The following KIF6 variants were observed in gnomAD, a reference collection of about 807,000 sequenced individuals.
KIF6 encodes kinesin-like protein KIF6.
A neutral mutation model predicts 112.7 loss-of-function variants in KIF6; 106 were observed. The ratio of observed to expected loss-of-function variants is 0.94; its 90% CI spans 0.80 to 1.11. The LOEUF (loss-of-function observed/expected upper bound fraction) is 1.11. Among genes scored for constraint, KIF6 ranks in the 50% least tolerant of loss-of-function variants. The pLI is 0.00. For missense variants in KIF6, 929 were observed against 964.0 expected (o/e 0.96, Z 0.48); for synonymous variants, 339 against 339.9 (o/e 1.00, Z 0.03).
chr6:39,725,104 G>C (rs1051695337), intron 1 of KIF6, 141 bp downstream of exon 1: 1 of 596,846 alleles, frequency 1.7e-6, no homozygotes, highest in Non-Finnish European at 2.8e-6. Context: ...AGGGCTCCTC[G>C]GTCAGTGTGT....
intron 13 of KIF6, among the ~76,000 whole-genome samples, chr6:39,443,701 C>G (rs923215720): frequency 2.0e-5 from 3 of 152,236 alleles, no homozygotes; most frequent in African/African-American, 7.2e-5. Context: ...ACCGTGACCT[C>G]CCAAAGCACT....
At chr6:39,376,607 G>A (rs754599201) in intron 16 of KIF6, among the ~76,000 whole-genome samples, 18 of 152,232 alleles carry the variant, frequency 1.2e-4, no homozygotes, top group Non-Finnish European at 1.9e-4. Flanking sequence ...CCTACTGCGT[G>A]ACAGTCACTG....
At chr6:39,510,872 C>CGAAAAAA (rs1776741593) in intron 13 of KIF6, among the ~76,000 whole-genome samples, 1 of 23,858 alleles carries the variant, frequency 4.2e-5, no homozygotes, top group African/African-American at 1.6e-4. Context: ...AAATGGGAAG[C>CGAAAAAA]AAAAAAAAAA....
intron 5 of KIF6, chr6:39,617,795 T>A: frequency 2.2e-6 from 1 of 453,126 alleles, no homozygotes; most frequent in Non-Finnish European, 4.4e-6. Flanking sequence ...CAAGAGCAGG[T>A]GGGCCTCATG....
Position 39,673,091 on chromosome 6 carries a change from G to A in KIF6, c.252-33334C>T, listed in dbSNP as rs575326869. Among the ~76,000 whole-genome samples the A allele has an allele frequency of 3.3e-5, 5 of 152,276 alleles. No individual in the cohort carries two copies. The East Asian group carries it at 7.7e-4, about 24-fold the overall frequency. On this transcript the variant is annotated intron_variant, in intron 3 of 22. Coordinates refer to ENST00000287152, the MANE Select transcript of KIF6 (RefSeq NM_145027.6). ...TTGCTATCACTGGCTGTCAGCCGCT[G>A]CTGCCTCAAAAGCCAAATGCTGGTG... is the stretch of plus-strand genomic sequence containing the variant.
At chr6:39,576,385 A>G (rs933599402) in intron 10 of KIF6, among the ~76,000 whole-genome samples, 1 of 152,094 alleles carries the variant, frequency 6.6e-6, no homozygotes, top group African/African-American at 2.4e-5. Flanking sequence ...CAGCCTCCCA[A>G]AGTGCTGGGA....
intron 7 of KIF6, among the ~76,000 whole-genome samples, chr6:39,593,359 T>C (rs144993474): frequency 5.4e-4 from 83 of 152,344 alleles, no homozygotes; most frequent in Non-Finnish European, 1.0e-3. Flanking sequence ...CTTATTCCTA[T>C]GTACCGTTTG....
At chr6:39,395,589 C>T (rs1019252900) in intron 15 of KIF6, among the ~76,000 whole-genome samples, 6 of 152,156 alleles carry the variant, frequency 3.9e-5, no homozygotes, top group Admixed American at 1.3e-4. Flanking sequence ...GATGTGGTTC[C>T]GGTTGCCAGA....
rs537456091 is a variant in KIF6 at position 39,713,959 on chromosome 6, T to C, written c.251+733A>G. ...GCAGGTATAATTTTCATTATTTAACTGTAAAGATGAATGTGTCTTGGGATT... is the reference window on the plus strand; with the variant it reads ...GCAGGTATAATTTTCATTATTTAACCGTAAAGATGAATGTGTCTTGGGATT... On this transcript the variant is annotated intron_variant, in intron 3 of 22. Transcript: ENST00000287152. Among the ~76,000 whole-genome samples the C allele has an allele frequency of 4.6e-5, 7 of 152,308 alleles. No homozygotes were observed. The South Asian group carries it at 1.5e-3, about 32-fold the overall frequency.
intron 13 of KIF6, among the ~76,000 whole-genome samples, chr6:39,492,329 A>T (rs964306539): frequency 3.3e-5 from 5 of 152,376 alleles, no homozygotes; most frequent in Middle Eastern, 3.4e-3. Flanking sequence ...ATATGCAGGA[A>T]GCCCATACAT....
At chr6:39,591,417 C>T (rs1020200285) in intron 7 of KIF6, among the ~76,000 whole-genome samples, 1 of 152,056 alleles carries the variant, frequency 6.6e-6, no homozygotes, top group Non-Finnish European at 1.5e-5. Context: ...TTCCCTCACT[C>T]GTAAAAGTGG....
chr6:39,514,258 G>A (rs1467701039), intron 13 of KIF6, among the ~76,000 whole-genome samples: 1 of 152,170 alleles, frequency 6.6e-6, no homozygotes, highest in Non-Finnish European at 1.5e-5. Context: ...TGTGACTTGT[G>A]AAAAGTCGAA....
At chr6:39,651,580 T>C (rs1171291996) in intron 3 of KIF6, among the ~76,000 whole-genome samples, 2 of 152,144 alleles carry the variant, frequency 1.3e-5, no homozygotes, top group African/African-American at 2.4e-5. Flanking sequence ...GGAGCTCTAG[T>C]TTAGATTTAA....
At chr6:39,576,193 C>T (rs1318254707) in intron 10 of KIF6, among the ~76,000 whole-genome samples, 1 of 151,968 alleles carries the variant, frequency 6.6e-6, no homozygotes, top group East Asian at 1.9e-4. Context: ...GGTGCGATCT[C>T]GGATCACTGT....
chr6:39,506,995 G>A (rs541607308), intron 13 of KIF6, among the ~76,000 whole-genome samples: 34 of 152,268 alleles, frequency 2.2e-4, no homozygotes, highest in African/African-American at 6.5e-4. Flanking sequence ...TTCCTGAATT[G>A]TATCTTTATA....
chr6:39,467,434 A>G lies in KIF6; in HGVS notation c.1646-36273T>C, dbSNP rs187974436. Among the ~76,000 whole-genome samples the G allele has an allele frequency of 1.3e-3, 193 of 152,292 alleles. 1 individual carries two copies. The highest frequency in any genetic ancestry group is 4.4e-3 in the African/African-American group (183 of 41,558). Reference sequence around the variant, plus strand: ...TAAAACCATCAGGTGTCAATTAGTGAAGGCTAATATTTACACATGATATCA... The same window carrying G: ...TAAAACCATCAGGTGTCAATTAGTGGAGGCTAATATTTACACATGATATCA... On this transcript the variant is annotated intron_variant, in intron 13 of 22. Coordinates refer to ENST00000287152, the MANE Select transcript of KIF6 (RefSeq NM_145027.6).
chr6:39,524,821 C>T (rs539879473), intron 13 of KIF6, among the ~76,000 whole-genome samples: 5 of 152,220 alleles, frequency 3.3e-5, no homozygotes, highest in Admixed American at 6.5e-5. Flanking sequence ...CCCAGGGGCA[C>T]GCCCTAATAA....
At chr6:39,596,028 A>G in intron 7 of KIF6, 26 bp downstream of exon 7, 2 of 1,568,058 alleles carry the variant, frequency 1.3e-6, no homozygotes, top group Non-Finnish European at 1.8e-6. Context: ...TATAGTTATT[A>G]ATACATCCCA....
intron 6 of KIF6, among the ~76,000 whole-genome samples, chr6:39,598,656 T>C (rs1782420963): frequency 6.6e-6 from 1 of 152,050 alleles, no homozygotes; most frequent in African/African-American, 2.4e-5. Flanking sequence ...TAAGGACATA[T>C]ATATGTGGAC....
Sources: gnomAD v4.1 joint callset for allele counts (sites outside exome capture counted in the v4.1 genomes callset) on GRCh38, gnomAD v4.1.1 for gene constraint, MANE v1.5 for transcripts, NCBI Gene and HGNC (gene_info 2026-07-23, HGNC 2026-07-21) for gene names.